Variants in EYS observed in about 807,000 individuals in gnomAD.
EYS encodes protein eyes shut homolog.
Under a neutral mutation model 282.1 loss-of-function variants are expected in EYS, and 250 were observed. The observed-to-expected ratio is 0.89, with a 90% confidence interval of 0.80 to 0.98. The LOEUF is 0.98. Among genes scored for constraint, EYS ranks in the 50% least tolerant of loss-of-function variants. The pLI is 0.00. For missense variants in EYS, 4,016 were observed against 3,709.0 expected (o/e 1.08, Z -2.15); for synonymous variants, 1,355 against 1,282.9 (o/e 1.06, Z -1.20).
At chr6:64,152,328 T>C (rs1295268043) in intron 31 of EYS, among the ~76,000 whole-genome samples, 1 of 152,216 alleles carries the variant, frequency 6.6e-6, no homozygotes, top group African/African-American at 2.4e-5. Context: ...TTTATCACTC[T>C]GGGTATTTTC....
At chr6:64,906,601 T>C (rs1767833488) in intron 16 of EYS, among the ~76,000 whole-genome samples, 1 of 152,212 alleles carries the variant, frequency 6.6e-6, no homozygotes, top group Admixed American at 6.5e-5. Context: ...CCCATGATAC[T>C]GCAATTCCAT....
intron 26 of EYS, among the ~76,000 whole-genome samples, chr6:64,510,939 C>G (rs1165763200): frequency 1.3e-5 from 2 of 152,036 alleles, no homozygotes; most frequent in Admixed American, 6.6e-5. Context: ...TGGGGCCACG[C>G]TTAAGAGATC....
intron 2 of EYS, among the ~76,000 whole-genome samples, chr6:65,583,166 C>A (rs1764926407): frequency 6.6e-6 from 1 of 151,974 alleles, no homozygotes; most frequent in Non-Finnish European, 1.5e-5. Flanking sequence ...GCTGTAAAAT[C>A]TTTTTAATTC....
chr6:64,125,013 C>A (rs188508853), intron 31 of EYS, among the ~76,000 whole-genome samples: 4 of 152,208 alleles, frequency 2.6e-5, no homozygotes, highest in Admixed American at 2.6e-4. Flanking sequence ...AATGTCATCC[C>A]CCATTGAACA....
At chr6:63,916,762 C>T (rs1264206779) in intron 35 of EYS, among the ~76,000 whole-genome samples, 2 of 152,012 alleles carry the variant, frequency 1.3e-5, no homozygotes, top group African/African-American at 4.8e-5. Flanking sequence ...TTGTTATGTC[C>T]GATTTGCTGT....
At chr6:65,443,840 T>C (rs1768543993) in intron 5 of EYS, among the ~76,000 whole-genome samples, 1 of 151,854 alleles carries the variant, frequency 6.6e-6, no homozygotes, top group African/African-American at 2.4e-5. Flanking sequence ...GTTAAGAATA[T>C]TAATCAAATA....
intron 22 of EYS, among the ~76,000 whole-genome samples, chr6:64,757,562 A>C (rs916509093): frequency 3.9e-5 from 6 of 152,106 alleles, no homozygotes; most frequent in Non-Finnish European, 4.4e-5. Flanking sequence ...TGTATCATTT[A>C]AAATGTATGC....
intron 14 of EYS, among the ~76,000 whole-genome samples, chr6:64,956,054 A>C (rs1769692277): frequency 1.3e-5 from 2 of 152,216 alleles, no homozygotes; most frequent in South Asian, 4.1e-4. Flanking sequence ...TCTCTATCAA[A>C]ATATCAATGA....
chr6:64,377,122 T>TA (rs1471726648), intron 29 of EYS, among the ~76,000 whole-genome samples: 1 of 152,176 alleles, frequency 6.6e-6, no homozygotes, highest in Non-Finnish European at 1.5e-5. Context: ...GATAGATAGA[T>TA]AGATACATTT....
intron 26 of EYS, among the ~76,000 whole-genome samples, chr6:64,469,110 A>C (rs1776026530): frequency 6.6e-6 from 1 of 152,154 alleles, no homozygotes; most frequent in African/African-American, 2.4e-5. Context: ...TACATTCTCA[A>C]CAGCAGTGTA....
chr6:65,132,776 T>C (rs561314091), intron 12 of EYS, among the ~76,000 whole-genome samples: 2 of 152,058 alleles, frequency 1.3e-5, no homozygotes, highest in Non-Finnish European at 2.9e-5. Context: ...CAAACTATCA[T>C]TGTTAGCAGT....
intron 26 of EYS, among the ~76,000 whole-genome samples, chr6:64,548,961 GT>G (rs1359704532): frequency 6.6e-6 from 1 of 152,142 alleles, no homozygotes; most frequent in Non-Finnish European, 1.5e-5. Context: ...AAGGAACAGC[GT>G]CTACAGTGCT....
intron 14 of EYS, among the ~76,000 whole-genome samples, chr6:64,984,136 A>C (rs116704603): frequency 6.6e-6 from 1 of 151,420 alleles, no homozygotes; most frequent in African/African-American, 2.4e-5. Context: ...CAAACTTAAA[A>C]CATTGTAGAC....
intron 35 of EYS, among the ~76,000 whole-genome samples, chr6:63,876,605 C>G (rs1340472233): frequency 6.6e-6 from 1 of 152,112 alleles, no homozygotes; most frequent in Non-Finnish European, 1.5e-5. Flanking sequence ...GTGTGGGAGT[C>G]TAAGTCTCTT....
intron 22 of EYS, among the ~76,000 whole-genome samples, chr6:64,650,652 G>A (rs568489154): frequency 8.1e-4 from 124 of 152,152 alleles, no homozygotes; most frequent in African/African-American, 3.0e-3. Context: ...AGAGAATATA[G>A]TAAAAATTTT....
intron 26 of EYS, among the ~76,000 whole-genome samples, chr6:64,480,124 T>C (rs1776393268): frequency 1.3e-5 from 2 of 151,938 alleles, no homozygotes; most frequent in Admixed American, 6.6e-5. Flanking sequence ...ATTCACTCTC[T>C]CCAGTTGTAG....
intron 26 of EYS, among the ~76,000 whole-genome samples, chr6:64,503,419 G>A (rs1777114376): frequency 6.6e-6 from 1 of 152,164 alleles, no homozygotes; most frequent in Non-Finnish European, 1.5e-5. Flanking sequence ...TAAATGTGAT[G>A]ATGCTTTTTG....
chr6:65,105,832 C>G (rs1192224287), intron 12 of EYS, among the ~76,000 whole-genome samples: 5 of 151,786 alleles, frequency 3.3e-5, no homozygotes, highest in African/African-American at 1.2e-4. Flanking sequence ...CATGCTATTG[C>G]TAGAGCAGGA....
intron 36 of EYS, among the ~76,000 whole-genome samples, chr6:63,852,499 C>A (rs961273591): frequency 1.3e-5 from 2 of 151,982 alleles, no homozygotes; most frequent in Admixed American, 1.3e-4. Context: ...AATAGCCTAC[C>A]AACCAAAAAA....
Sources: gnomAD v4.1 joint callset for allele counts (sites outside exome capture counted in the v4.1 genomes callset) on GRCh38, gnomAD v4.1.1 for gene constraint, MANE v1.5 for transcripts, NCBI Gene and HGNC (gene_info 2026-07-23, HGNC 2026-07-21) for gene names.